Variants in COL11A1 observed in about 807,000 individuals in gnomAD.
COL11A1 encodes the protein collagen alpha-1(XI) chain.
COL11A1 carries 74 observed loss-of-function variants against 265.2 expected under a neutral mutation model. The ratio of observed to expected loss-of-function variants is 0.28; its 90% CI spans 0.23 to 0.34. The LOEUF (loss-of-function observed/expected upper bound fraction) is 0.34, where lower values mean the gene tolerates loss of function less well. COL11A1 is among the 10% of genes least tolerant of loss of function. The pLI, the probability that COL11A1 is intolerant of heterozygous loss-of-function variation, is 1.00. For synonymous variants in COL11A1, 816 were observed against 727.6 expected (o/e 1.12, Z -1.96); for missense variants, 2,165 against 2,263.6 (o/e 0.96, Z 0.88).
At chr1:102,910,301 A>G (rs1225598261) in intron 54 of COL11A1, among the ~76,000 whole-genome samples, 2 of 152,052 alleles carry the variant, frequency 1.3e-5, no homozygotes, top group African/African-American at 4.8e-5. Flanking sequence ...TACATTCTAT[A>G]ACTCTGTTAC....
chr1:102,894,611 C>A (rs1355330871), intron 57 of COL11A1, among the ~76,000 whole-genome samples: 1 of 151,462 alleles, frequency 6.6e-6, no homozygotes, highest in Non-Finnish European at 1.5e-5. Context: ...ATAATTCAAC[C>A]AATACAAAAT....
intron 62 of COL11A1, 66 bp downstream of exon 62, chr1:102,888,511 A>G: frequency 1.4e-6 from 2 of 1,458,150 alleles, no homozygotes; most frequent in Admixed American, 3.4e-5. Context: ...TTATAAGTTC[A>G]GAGAAATCAT....
chr1:103,023,370 C>CTTTTT (rs112800509), intron 7 of COL11A1, among the ~76,000 whole-genome samples: 2,588 of 142,926 alleles, frequency 0.018, 95 homozygotes, highest in African/African-American at 0.063. Context: ...TTTTTTCTTT[C>CTTTTT]TTTTTTTTTT....
In COL11A1 at chr1:102,898,189, TA is replaced by T; in HGVS notation, c.4249-12del. 1 of 1,298,060 alleles carries T rather than the reference TA, an allele frequency of 7.7e-7. No individual in the cohort carries two copies. The highest frequency in any genetic ancestry group is 9.9e-7 in the Non-Finnish European group (1 of 1,006,102). 80.4% of individuals were successfully genotyped at this position (1,298,060 alleles called of 1,614,324 possible). A position where few individuals can be genotyped will look rare whatever the true frequency, so the allele number is the denominator to read the frequency against. ...GAGACCTTGTTCTCCCTAGAGAAAA[TA>T]AAAATGATTGATTTTTAAAATTAAT... is the stretch of plus-strand genomic sequence containing the variant. On this transcript the variant is annotated splice_polypyrimidine_tract_variant and intron_variant, in intron 56 of 66. Coordinates refer to ENST00000370096, the MANE Select transcript of COL11A1 (RefSeq NM_001854.4).
chr1:102,914,220 T>A, intron 52 of COL11A1, 132 bp downstream of exon 52: 1 of 765,872 alleles, frequency 1.3e-6, no homozygotes, highest in East Asian at 2.7e-5. Context: ...TTGCAATTAC[T>A]TTTTATGTTT....
intron 1 of COL11A1, among the ~76,000 whole-genome samples, chr1:103,100,913 T>A (rs1337193): frequency 0.95 from 144,295 of 151,990 alleles, 68,924 homozygotes; most frequent in Non-Finnish European, 1. Flanking sequence ...GAAAACTGTC[T>A]CAATTAAATA....
chr1:102,953,638 A>G (rs1660101979), intron 41 of COL11A1, among the ~76,000 whole-genome samples: 1 of 152,222 alleles, frequency 6.6e-6, no homozygotes, highest in Non-Finnish European at 1.5e-5. Context: ...TATTCCAAAA[A>G]TAGATATAAA....
At chr1:102,916,792 C>T (rs1007215564) in intron 49 of COL11A1, among the ~76,000 whole-genome samples, 4 of 151,648 alleles carry the variant, frequency 2.6e-5, no homozygotes, top group African/African-American at 9.7e-5. Context: ...AGATGAACAG[C>T]AAATACTTCC....
Position 103,087,658 on chromosome 1 carries a change from T to C in COL11A1, c.107-4686A>G, listed in dbSNP as rs187773180. On this transcript the variant is annotated intron_variant, in intron 1 of 66. Transcript: ENST00000370096. ...CTTGCTTCTGGGCCTTTATAAACCC[T>C]ACTCTCTGTTTCAAACACTTAGCTC... 1.3e-3 allele frequency among the ~76,000 whole-genome samples: 205 copies of C among 152,318 alleles called. 1 individual carries two copies. Among genetic ancestry groups the C allele is most frequent in the African/African-American group, 4.0e-3 (168 of 41,586 alleles).
Position 103,031,218 on chromosome 1 carries a change from T to C in COL11A1, c.678A>G (p.Thr226=). 1 of 1,603,112 alleles carries C rather than the reference T, an allele frequency of 6.2e-7. No homozygotes were observed. The highest frequency in any genetic ancestry group is 1.4e-5 in the African/African-American group (1 of 73,274). Residue 226 remains threonine, a synonymous_variant, in exon 5 of 67, where the codon ACA becomes ACG. Transcript: ENST00000370096. ...FEGDIQQFLI[T]GDPKAAYDYC... ...AGTCATATGCTGCCTTGGGATCACC[T>C]GTGATCAAAAACTGCTGAATGTCCC...
intron 31 of COL11A1, among the ~76,000 whole-genome samples, chr1:102,981,338 G>A (rs1347889270): frequency 6.6e-6 from 1 of 151,918 alleles, no homozygotes; most frequent in Admixed American, 6.6e-5. Context: ...GTATTACTAT[G>A]TGACTATTAC....
intron 1 of COL11A1, among the ~76,000 whole-genome samples, chr1:103,106,552 A>G (rs1307784645): frequency 6.6e-6 from 1 of 152,198 alleles, no homozygotes. Flanking sequence ...CCAACCGGTG[A>G]CCAGGTACCA....
chr1:103,042,302 T>A (rs1668875559), intron 4 of COL11A1, among the ~76,000 whole-genome samples: 1 of 152,176 alleles, frequency 6.6e-6, no homozygotes, highest in Non-Finnish European at 1.5e-5. Context: ...CTACCTGCTA[T>A]ATTCCAATTA....
intron 36 of COL11A1, among the ~76,000 whole-genome samples, chr1:102,972,935 C>T (rs80245658): frequency 0.011 from 1,602 of 152,072 alleles, 27 homozygotes; most frequent in African/African-American, 0.037. Context: ...ATGATATTAA[C>T]AGAATCTGAA....
chr1:103,068,864 A>C (rs1671353600), intron 4 of COL11A1, among the ~76,000 whole-genome samples: 1 of 151,538 alleles, frequency 6.6e-6, no homozygotes, highest in East Asian at 1.9e-4. Context: ...AATTAAATAA[A>C]AGATGTCCAA....
chr1:102,964,369 T>G (rs1330016780), intron 38 of COL11A1, among the ~76,000 whole-genome samples: 1 of 152,154 alleles, frequency 6.6e-6, no homozygotes, highest in African/African-American at 2.4e-5. Context: ...ACTGAGAAAG[T>G]ATATATAATG....
chr1:102,918,973 C>A (rs988084314), intron 49 of COL11A1, among the ~76,000 whole-genome samples: 21 of 152,008 alleles, frequency 1.4e-4, no homozygotes, highest in Non-Finnish European at 2.7e-4. Context: ...GCTCCCACAA[C>A]AATTGAGTCA....
intron 1 of COL11A1, among the ~76,000 whole-genome samples, chr1:103,106,018 G>T (rs1477520794): frequency 6.6e-6 from 1 of 152,052 alleles, no homozygotes; most frequent in Non-Finnish European, 1.5e-5. Flanking sequence ...CTTATACTTT[G>T]CTATTTCTAT....
Position 103,018,858 on chromosome 1 carries a change from C to T in COL11A1, c.1310G>A (p.Gly437Asp), listed in dbSNP as rs953691024. 2 of 1,611,932 alleles carry T rather than the reference C, an allele frequency of 1.2e-6. No homozygotes were observed. Among genetic ancestry groups the T allele is most frequent in the East Asian group, 4.5e-5 (2 of 44,790 alleles). ...QKGEPAVVEP[G>D]MLVEGPPGPA... ...TCCTGGTGGTCCTTCGACAAGCATA[C>T]CCTATAACAGGAAAAGAGAACATCT... The change falls in exon 10 of 67, where the codon GGT (glycine) becomes GAT (aspartate). Residue 437 changes from glycine (G) to aspartate (D), a missense_variant and splice_region_variant. Coordinates refer to ENST00000370096, the MANE Select transcript of COL11A1 (RefSeq NM_001854.4).
Sources: allele counts gnomAD v4.1 joint callset (sites outside exome capture counted in the v4.1 genomes callset), GRCh38; gene constraint gnomAD v4.1.1; transcripts MANE v1.5; gene names NCBI Gene and HGNC (gene_info 2026-07-23, HGNC 2026-07-21).